KIN: variants seen among roughly 807,000 people sequenced by gnomAD.
KIN encodes the protein Kin17 DNA and RNA binding protein.
KIN carries 47 observed loss-of-function variants against 63.0 expected under a neutral mutation model. The observed-to-expected ratio is 0.75, with a 90% CI of 0.59 to 0.95. The LOEUF (loss-of-function observed/expected upper bound fraction) is 0.95. Ranked by LOEUF, KIN falls within the 40% of genes least tolerant of loss-of-function variation. KIN has a pLI of 0.00. For synonymous variants in KIN, 160 were observed against 157.7 expected, an observed-to-expected ratio of 1.01 and a Z score of -0.11; for missense variants, 408 against 460.9, an observed-to-expected ratio of 0.89 and a Z score of 1.05.
At chr10:7,758,180 C>A (rs1017424746) in intron 12 of KIN, among the ~76,000 whole-genome samples, 3 of 151,194 alleles carry the variant, frequency 2.0e-5, no homozygotes, top group African/African-American at 7.3e-5. Context: ...TCAAGCGATT[C>A]TCCTGCCTCA....
intron 7 of KIN, among the ~76,000 whole-genome samples, chr10:7,769,606 C>T (rs1835626084): frequency 6.6e-6 from 1 of 152,098 alleles, no homozygotes; most frequent in South Asian, 2.1e-4. Context: ...TCTGTACCTT[C>T]TCCTCACTCC....
At chr10:7,757,904 T>G (rs1228102495) in intron 12 of KIN, among the ~76,000 whole-genome samples, 1 of 152,102 alleles carries the variant, frequency 6.6e-6, no homozygotes, top group African/African-American at 2.4e-5. Context: ...CTGCTTGATA[T>G]ATGTATAAAT....
intron 2 of KIN, among the ~76,000 whole-genome samples, chr10:7,782,354 C>A (rs1054730446): frequency 6.6e-6 from 1 of 150,974 alleles, no homozygotes; most frequent in Admixed American, 6.6e-5. Flanking sequence ...CATATAAACT[C>A]TATGAAGGAT....
At chr10:7,777,275 C>G (rs1217445619) in intron 5 of KIN, among the ~76,000 whole-genome samples, 2 of 147,600 alleles carry the variant, frequency 1.4e-5, no homozygotes, top group African/African-American at 5.0e-5. Flanking sequence ...TGTTCAAGAA[C>G]AGACTAAACT....
chr10:7,778,952 A>G lies in KIN; in HGVS notation c.444T>C (p.Thr148=), dbSNP rs1399980776. ...TCTCCAGTTCCAGTTGCCGGCGGATAGTTTCTGGGTCCCTGTCTATGTACT... is the reference window on the plus strand; with the variant it reads ...TCTCCAGTTCCAGTTGCCGGCGGATGGTTTCTGGGTCCCTGTCTATGTACT... ...YIQYIDRDPE[T]IRRQLELEKK... The change falls in exon 5 of 13, where the codon ACT becomes ACC. Residue 148 remains threonine, a synonymous_variant. Coordinates refer to ENST00000379562, the MANE Select transcript of KIN (RefSeq NM_012311.4). 4.3e-6 allele frequency: 7 copies of G among 1,613,822 alleles called. No homozygotes were observed. The highest frequency in any genetic ancestry group is 5.9e-6 in the Non-Finnish European group (7 of 1,179,988).
chr10:7,771,097 T>G (rs1835658017), intron 7 of KIN, among the ~76,000 whole-genome samples: 2 of 151,988 alleles, frequency 1.3e-5, no homozygotes, highest in Admixed American at 1.3e-4. Flanking sequence ...GCCCAGGGTG[T>G]GACAGCTATA....
At chr10:7,784,997 C>T (rs1835969826) in intron 1 of KIN, among the ~76,000 whole-genome samples, 1 of 152,106 alleles carries the variant, frequency 6.6e-6, no homozygotes, top group African/African-American at 2.4e-5. Context: ...AGCCTGTAAT[C>T]CTAGCACTTT....
intron 7 of KIN, 74 bp from the exon 8 acceptor site, chr10:7,769,419 C>A (rs1233799055): frequency 2.0e-5 from 28 of 1,427,696 alleles, no homozygotes; most frequent in Non-Finnish European, 2.6e-5. Context: ...GCAAAATTCA[C>A]AATATAGAAT....
chr10:7,756,791 T>G (rs1301291046), intron 12 of KIN, among the ~76,000 whole-genome samples: 4 of 152,166 alleles, frequency 2.6e-5, no homozygotes, highest in African/African-American at 9.7e-5. Context: ...AACATGTTTG[T>G]CTAGGTTGGC....
Position 7,754,015 on chromosome 10 carries a change from T to A in KIN, c.*2065A>T, listed in dbSNP as rs1307830316. The A allele has an allele frequency of 2.0e-5, 9 of 455,860 alleles. No homozygotes were observed. The highest frequency in any genetic ancestry group is 4.7e-5 in the Admixed American group (2 of 42,540). 28.2% of individuals were successfully genotyped at this position (455,860 alleles called of 1,614,324 possible). ...AAGTGATCATCCTGGTATGGTCTGT[T>A]TTTTGTTTGAACTCTTGTAGAAGAT... is the stretch of plus-strand genomic sequence containing the variant. On this transcript the variant is annotated 3_prime_UTR_variant, in exon 13 of 13. Transcript: ENST00000379562.
intron 1 of KIN, among the ~76,000 whole-genome samples, chr10:7,786,340 C>A (rs1017478688): frequency 6.6e-6 from 1 of 151,880 alleles, no homozygotes; most frequent in African/African-American, 2.4e-5. Flanking sequence ...TTTAGAGATG[C>A]CTATTTAAGT....
At chr10:7,777,318 T>C (rs12265927) in intron 5 of KIN, among the ~76,000 whole-genome samples, 8,261 of 150,972 alleles carry the variant, frequency 0.055, 744 homozygotes, top group African/African-American at 0.19. Flanking sequence ...ACTGGAACAA[T>C]GGTTATGTCT....
chr10:7,775,694 A>G, intron 6 of KIN, 57 bp downstream of exon 6: 2 of 920,618 alleles, frequency 2.2e-6, no homozygotes, highest in Non-Finnish European at 3.3e-6. Flanking sequence ...CATTTTTAAC[A>G]AAGCCAATAT....
At chr10:7,773,375 A>G (rs183350633) in intron 7 of KIN, among the ~76,000 whole-genome samples, 6 of 152,378 alleles carry the variant, frequency 3.9e-5, no homozygotes, top group Non-Finnish European at 1.5e-5. Context: ...TTTAACATCC[A>G]TCTACATCTA....
At chr10:7,772,901 A>ATTT (rs1349349744) in intron 7 of KIN, among the ~76,000 whole-genome samples, 3 of 152,214 alleles carry the variant, frequency 2.0e-5, no homozygotes, top group African/African-American at 7.2e-5. Flanking sequence ...TTATCTAAGA[A>ATTT]AAGAGTCTTT....
intron 7 of KIN, 72 bp from the exon 8 acceptor site, chr10:7,769,417 C>T: frequency 6.9e-7 from 1 of 1,441,588 alleles, no homozygotes; most frequent in Admixed American, 2.1e-5. Flanking sequence ...GTGCAAAATT[C>T]ACAATATAGA....
At chr10:7,774,385 G>T (rs1016439502) in intron 7 of KIN, among the ~76,000 whole-genome samples, 2 of 152,150 alleles carry the variant, frequency 1.3e-5, no homozygotes, top group South Asian at 2.1e-4. Context: ...GACAGGAAAA[G>T]AAACAGTTTT....
rs1315436465 is a variant in KIN at position 7,753,975 on chromosome 10, C to A, written c.*2105G>T. 4.2e-5 allele frequency: 19 copies of A among 453,616 alleles called. No homozygotes were observed. The highest frequency in any genetic ancestry group is 4.9e-5 in the Non-Finnish European group (11 of 225,732). The allele number at this position is 453,616 out of a possible 1,614,324, so 28.1% of individuals were successfully genotyped here. Reference sequence around the variant, plus strand: ...ACCTGTGTCTGACGTCAGCTTATACCCATCCTCATGTTTGAAGTGATCATC... The same window carrying A: ...ACCTGTGTCTGACGTCAGCTTATACACATCCTCATGTTTGAAGTGATCATC... On this transcript the variant is annotated 3_prime_UTR_variant, in exon 13 of 13. Transcript: ENST00000379562.
chr10:7,775,326 A>T (rs1343545818), intron 6 of KIN, among the ~76,000 whole-genome samples: 1 of 152,200 alleles, frequency 6.6e-6, no homozygotes, highest in African/African-American at 2.4e-5. Flanking sequence ...TTTGAAAGGA[A>T]ATCTATTGAA....
Sources: gnomAD v4.1 joint callset for allele counts (sites outside exome capture counted in the v4.1 genomes callset) on GRCh38, gnomAD v4.1.1 for gene constraint, MANE v1.5 for transcripts, NCBI Gene and HGNC (gene_info 2026-07-23, HGNC 2026-07-21) for gene names.